Variants in DLGAP2 observed in about 807,000 individuals in gnomAD.
DLGAP2 encodes DLG associated protein 2, also known as disks large-associated protein 2.
In DLGAP2, 26 loss-of-function variants were observed where a neutral mutation model predicts 100.3. That is an observed-to-expected ratio of 0.26 (90% CI 0.19 to 0.36). The LOEUF (loss-of-function observed/expected upper bound fraction) is 0.36. Ranked by LOEUF, DLGAP2 falls within the 10% of genes least tolerant of loss-of-function variation. The pLI, the probability that DLGAP2 is intolerant of heterozygous loss-of-function variation, is 1.00. For missense variants in DLGAP2, 1,858 were observed against 1,453.2 expected (o/e 1.28, Z -4.53); for synonymous variants, 886 against 630.1 (o/e 1.41, Z -6.08).
At chr8:1,453,818 T>A (rs1798230080) in intron 3 of DLGAP2, among the ~76,000 whole-genome samples, 1 of 152,232 alleles carries the variant, frequency 6.6e-6, no homozygotes, top group Non-Finnish European at 1.5e-5. Context: ...GCAAGAATTA[T>A]GAAGAAAAAC....
chr8:1,691,315 G>A (rs546500865), intron 12 of DLGAP2, among the ~76,000 whole-genome samples: 7 of 152,172 alleles, frequency 4.6e-5, no homozygotes, highest in African/African-American at 7.2e-5. Context: ...TACCCAAGGA[G>A]AATGTCCTCA....
chr8:1,310,079 A>G (rs955956023), intron 3 of DLGAP2, among the ~76,000 whole-genome samples: 13 of 148,340 alleles, frequency 8.8e-5, no homozygotes, highest in African/African-American at 2.3e-4. Flanking sequence ...AAAAAAAAAG[A>G]TGAAACCTGC....
chr8:903,244 G>T (rs562955116), intron 1 of DLGAP2, among the ~76,000 whole-genome samples: 1 of 152,014 alleles, frequency 6.6e-6, no homozygotes, highest in Non-Finnish European at 1.5e-5. Flanking sequence ...GATGTTTTAT[G>T]AAGCTACTCA....
At chr8:1,241,979 C>G (rs1422131439) in intron 2 of DLGAP2, among the ~76,000 whole-genome samples, 1 of 152,126 alleles carries the variant, frequency 6.6e-6, no homozygotes, top group Non-Finnish European at 1.5e-5. Context: ...CCTTTATGGC[C>G]CGAGATGGTC....
At chr8:1,130,459 C>T (rs1055415674) in intron 2 of DLGAP2, among the ~76,000 whole-genome samples, 7 of 152,052 alleles carry the variant, frequency 4.6e-5, no homozygotes, top group African/African-American at 9.7e-5. Context: ...CAGCATGAAC[C>T]GCCGTACGCT....
rs149980573 is a variant in DLGAP2, at chr8:1,428,097, G to A, written c.107-73269G>A. Among the ~76,000 whole-genome samples the A allele has an allele frequency of 9.9e-5, 15 of 151,556 alleles. No individual in the cohort carries two copies. In the East Asian group the frequency reaches 2.1e-3, roughly 22 times the overall value. On this transcript the variant is annotated intron_variant, in intron 3 of 14. Transcript: ENST00000637795. Reference sequence around the variant, plus strand: ...ATGAGCTAGAAAAAGAACAGAGTACGCTAAATAAAATAAGAGAAAGAAAAT... The same window carrying A: ...ATGAGCTAGAAAAAGAACAGAGTACACTAAATAAAATAAGAGAAAGAAAAT...
At chr8:1,320,091 T>A (rs1180134573) in intron 3 of DLGAP2, among the ~76,000 whole-genome samples, 1 of 151,946 alleles carries the variant, frequency 6.6e-6, no homozygotes, top group African/African-American at 2.4e-5. Context: ...TCTGGGTGCA[T>A]TCTGCAAGTA....
At chr8:978,707 G>A (rs1049612631) in intron 2 of DLGAP2, among the ~76,000 whole-genome samples, 1 of 152,110 alleles carries the variant, frequency 6.6e-6, no homozygotes, top group African/African-American at 2.4e-5. Context: ...GAGGGGCTGA[G>A]TTCTGGTCTT....
chr8:1,303,953 C>T (rs958131354), intron 3 of DLGAP2, among the ~76,000 whole-genome samples: 3 of 152,274 alleles, frequency 2.0e-5, no homozygotes, highest in Non-Finnish European at 2.9e-5. Flanking sequence ...TGCACTCTCA[C>T]AGAAGGGAAG....
chr8:1,686,684 AG>A (rs1563063080), intron 12 of DLGAP2, among the ~76,000 whole-genome samples: 2 of 151,548 alleles, frequency 1.3e-5, no homozygotes, highest in African/African-American at 4.8e-5. Flanking sequence ...AAAAAAAAAA[AG>A]CAGAGCTCAT....
chr8:771,038 C>G (rs910785758), intron 1 of DLGAP2, among the ~76,000 whole-genome samples: 2 of 152,098 alleles, frequency 1.3e-5, no homozygotes, highest in Admixed American at 6.5e-5. Context: ...ATTCTCCAGA[C>G]AGGTGCCTTC....
intron 3 of DLGAP2, among the ~76,000 whole-genome samples, chr8:1,418,767 T>C (rs1212036441): frequency 6.6e-6 from 1 of 152,208 alleles, no homozygotes; most frequent in African/African-American, 2.4e-5. Context: ...AATTCATTGC[T>C]GTCCTGACCC....
chr8:1,074,235 T>G (rs996778068), intron 2 of DLGAP2, among the ~76,000 whole-genome samples: 6 of 148,810 alleles, frequency 4.0e-5, no homozygotes, highest in Non-Finnish European at 7.4e-5. Context: ...ATATTCAGGA[T>G]TCACTGTAAC....
intron 2 of DLGAP2, among the ~76,000 whole-genome samples, chr8:1,217,203 A>G (rs1340499019): frequency 1.3e-5 from 2 of 152,276 alleles, no homozygotes; most frequent in South Asian, 4.1e-4. Flanking sequence ...CAGGGAGAAC[A>G]TGGAGTATTT....
chr8:1,101,447 C>G (rs1356542098), intron 2 of DLGAP2, among the ~76,000 whole-genome samples: 1 of 152,134 alleles, frequency 6.6e-6, no homozygotes, highest in African/African-American at 2.4e-5. Flanking sequence ...GAGGGACACC[C>G]ACAATGTGAG....
At chr8:781,258 C>G (rs900548338) in intron 1 of DLGAP2, among the ~76,000 whole-genome samples, 1 of 152,030 alleles carries the variant, frequency 6.6e-6, no homozygotes, top group Non-Finnish European at 1.5e-5. Flanking sequence ...GATGTTAAAA[C>G]TTTGTGTTGA....
intron 6 of DLGAP2, among the ~76,000 whole-genome samples, chr8:1,580,729 C>G (rs1232306416): frequency 6.6e-6 from 1 of 152,006 alleles, no homozygotes; most frequent in Admixed American, 6.6e-5. Context: ...GACAAACCCC[C>G]ACACATCTAC....
At chr8:771,832 C>A (rs1481071067) in intron 1 of DLGAP2, among the ~76,000 whole-genome samples, 5 of 152,196 alleles carry the variant, frequency 3.3e-5, no homozygotes, top group Admixed American at 1.3e-4. Flanking sequence ...ATGGAAAGGG[C>A]AGTGTGGAGC....
intron 1 of DLGAP2, among the ~76,000 whole-genome samples, chr8:796,349 C>T (rs1796036696): frequency 6.6e-6 from 1 of 152,146 alleles, no homozygotes; most frequent in African/African-American, 2.4e-5. Flanking sequence ...ATTCTTCTGT[C>T]ACGGCCCCTC....
Sources: allele counts gnomAD v4.1 joint callset (sites outside exome capture counted in the v4.1 genomes callset), GRCh38; gene constraint gnomAD v4.1.1; transcripts MANE v1.5; gene names NCBI Gene and HGNC (gene_info 2026-07-23, HGNC 2026-07-21).